TEX26: variants seen among roughly 807,000 people sequenced by gnomAD.
The protein encoded by TEX26 is testis-expressed protein 26.
TEX26 carries 34 observed loss-of-function variants against 35.3 expected under a neutral mutation model. The ratio of observed to expected loss-of-function variants is 0.96; its 90% CI spans 0.73 to 1.28. The LOEUF is 1.28. Ranked by LOEUF, TEX26 falls within the 50% of genes most tolerant of loss-of-function variation. The pLI is 0.00. For missense variants in TEX26, 371 were observed against 330.1 expected (o/e 1.12, Z -0.96); for synonymous variants, 136 against 111.8 (o/e 1.22, Z -1.36).
intron 2 of TEX26, among the ~76,000 whole-genome samples, chr13:30,945,959 C>T (rs1953692741): frequency 6.6e-6 from 1 of 151,888 alleles, no homozygotes; most frequent in Admixed American, 6.6e-5. Flanking sequence ...TGATGAATCT[C>T]CCAGGAGTTC....
At chr13:30,938,880 G>A (rs1391292726) in intron 1 of TEX26, among the ~76,000 whole-genome samples, 1 of 152,046 alleles carries the variant, frequency 6.6e-6, no homozygotes. Context: ...AGTGTTCCAG[G>A]TCTCAGCCTT....
intron 2 of TEX26, among the ~76,000 whole-genome samples, chr13:30,946,726 T>C (rs751342996): frequency 2.6e-5 from 4 of 152,060 alleles, no homozygotes; most frequent in Non-Finnish European, 4.4e-5. Flanking sequence ...TCCTTGGTTA[T>C]AGAGAGTCTT....
intron 5 of TEX26, among the ~76,000 whole-genome samples, chr13:30,967,433 G>A (rs1363024044): frequency 6.6e-6 from 1 of 152,172 alleles, no homozygotes; most frequent in African/African-American, 2.4e-5. Context: ...CTGTGTAGAA[G>A]TTGTAGCAGC....
At chr13:30,960,816 A>G (rs1954312073) in intron 4 of TEX26, among the ~76,000 whole-genome samples, 1 of 152,174 alleles carries the variant, frequency 6.6e-6, no homozygotes. Context: ...TTTGCAAGGG[A>G]GCAGAGGCCG....
intron 2 of TEX26, among the ~76,000 whole-genome samples, chr13:30,950,166 G>T (rs981580737): frequency 5.9e-5 from 9 of 152,214 alleles, no homozygotes; most frequent in Non-Finnish European, 1.3e-4. Flanking sequence ...AACACTTTGG[G>T]AGGCCAAGGC....
intron 1 of TEX26, among the ~76,000 whole-genome samples, chr13:30,936,013 C>G (rs987790813): frequency 6.6e-6 from 1 of 152,130 alleles, no homozygotes; most frequent in Non-Finnish European, 1.5e-5. Flanking sequence ...TTCCTAATCT[C>G]GAAATCTTTA....
intron 2 of TEX26, among the ~76,000 whole-genome samples, chr13:30,946,100 T>C (rs9603723): frequency 0.072 from 10,891 of 152,010 alleles, 514 homozygotes; most frequent in Middle Eastern, 0.11. Flanking sequence ...TATTCTTAGA[T>C]TTGGCCATTC....
intron 3 of TEX26, among the ~76,000 whole-genome samples, chr13:30,953,961 A>C (rs1402040332): frequency 2.0e-5 from 3 of 152,186 alleles, no homozygotes; most frequent in Non-Finnish European, 4.4e-5. Context: ...GGAAAGTATA[A>C]TGTTCAACTT....
intron 3 of TEX26, 31 bp from the exon 4 acceptor site, chr13:30,956,842 A>G (rs755400238): frequency 1.2e-5 from 20 of 1,603,648 alleles, no homozygotes; most frequent in Non-Finnish European, 1.6e-5. Context: ...ACCCATATGG[A>G]TTTTCTTGAA....
intron 2 of TEX26, among the ~76,000 whole-genome samples, chr13:30,944,344 C>G (rs1430305139): frequency 6.6e-6 from 1 of 151,750 alleles, no homozygotes; most frequent in Non-Finnish European, 1.5e-5. Context: ...TGAATATTCT[C>G]TCTTCTTTTC....
Position 30,956,974 on chromosome 13 carries a change from A to T in TEX26, c.414A>T (p.Ala138=). The change falls in exon 4 of 7, where the codon GCA becomes GCT. Residue 138 remains alanine (A), a synonymous_variant. Transcript: ENST00000380473. ...IPASMKEVNK[A]LSNQFISLTK... is the part of the protein sequence containing the mutation. The stretch of plus-strand genomic sequence containing the variant: ...CTTCAATGAAAGAAGTTAACAAGGC[A>T]CTATCAAATCAGTTTATTTCCCTTA... 6.2e-7 allele frequency: 1 copy of T among 1,614,210 alleles called. No individual in the cohort carries two copies. The highest frequency in any genetic ancestry group is 8.5e-7 in the Non-Finnish European group (1 of 1,180,044).
At chr13:30,937,697 C>T (rs1454957678) in intron 1 of TEX26, among the ~76,000 whole-genome samples, 2 of 152,204 alleles carry the variant, frequency 1.3e-5, no homozygotes, top group Non-Finnish European at 2.9e-5. Flanking sequence ...AGAGAGCAGA[C>T]ACTAGGAGTG....
intron 2 of TEX26, among the ~76,000 whole-genome samples, chr13:30,945,380 T>C (rs1953668643): frequency 6.6e-6 from 1 of 151,882 alleles, no homozygotes; most frequent in Non-Finnish European, 1.5e-5. Flanking sequence ...AGATATTCTG[T>C]GGTTTGTGGA....
intron 2 of TEX26, among the ~76,000 whole-genome samples, chr13:30,940,491 A>G (rs1003675849): frequency 2.0e-5 from 3 of 150,112 alleles, no homozygotes; most frequent in Non-Finnish European, 3.0e-5. Context: ...CCGCCACCAC[A>G]CCTGGCTAAT....
At chr13:30,965,429 G>A (rs183006416) in intron 4 of TEX26, among the ~76,000 whole-genome samples, 98 of 152,274 alleles carry the variant, frequency 6.4e-4, no homozygotes, top group African/African-American at 2.1e-3. Context: ...AATTTGCACT[G>A]TTTGGACATT....
Position 30,969,184 on chromosome 13 carries a change from A to G in TEX26, c.808+138A>G, listed in dbSNP as rs1005569810. 2.4e-5 allele frequency: 19 copies of G among 777,600 alleles called. No homozygotes were observed. The African/African-American group carries it at 3.1e-4, about 13-fold the overall frequency. 48.2% of individuals were successfully genotyped at this position (777,600 alleles called of 1,614,324 possible). A position where few individuals can be genotyped will look rare whatever the true frequency, so the allele number is the denominator to read the frequency against. The stretch of plus-strand genomic sequence containing the variant: ...ATTGCCTCAAAAAAAAAAAAAACTC[A>G]TAGTGTTGTGCAAACCTCAATCCAC... On this transcript the variant is annotated intron_variant, in intron 6 of 6. Coordinates refer to ENST00000380473, the MANE Select transcript of TEX26 (RefSeq NM_152325.3).
intron 6 of TEX26, among the ~76,000 whole-genome samples, chr13:30,972,370 C>T (rs1433820943): frequency 2.0e-5 from 3 of 152,336 alleles, no homozygotes; most frequent in East Asian, 1.9e-4. Context: ...TAAAATTTTA[C>T]ACACTCATCG....
At chr13:30,954,277 TACACACACACACACAC>T (rs56003143) in intron 3 of TEX26, among the ~76,000 whole-genome samples, 13 of 137,950 alleles carry the variant, frequency 9.4e-5, no homozygotes, top group African/African-American at 2.7e-4. Flanking sequence ...TATAGACCTA[TACACACACACACACAC>T]ACACACACAC....
At chr13:30,974,751 A>G in intron 6 of TEX26, 95 bp from the exon 7 acceptor site, 1 of 1,245,192 alleles carries the variant, frequency 8.0e-7, no homozygotes, top group Middle Eastern at 2.3e-4. Flanking sequence ...ATTTAGTAAT[A>G]TTATCAGATA....
Sources: allele counts gnomAD v4.1 joint callset (sites outside exome capture counted in the v4.1 genomes callset), GRCh38; gene constraint gnomAD v4.1.1; transcripts MANE v1.5; gene names NCBI Gene and HGNC (gene_info 2026-07-23, HGNC 2026-07-21).